Variants in STK32B observed in about 807,000 individuals in gnomAD.
The protein encoded by STK32B is serine/threonine-protein kinase 32B.
STK32B carries 43 observed loss-of-function variants against 52.6 expected under a neutral mutation model. The observed-to-expected ratio is 0.82, with a 90% confidence interval of 0.64 to 1.05. The LOEUF (loss-of-function observed/expected upper bound fraction) is 1.05, where lower values mean the gene tolerates loss of function less well. Among genes scored for constraint, STK32B ranks in the 50% least tolerant of loss-of-function variants. STK32B has a pLI of 0.00. For missense variants in STK32B, 621 were observed against 534.6 expected, an observed-to-expected ratio of 1.16 and a Z score of -1.59; for synonymous variants, 238 against 204.3, an observed-to-expected ratio of 1.17 and a Z score of -1.41.
intron 3 of STK32B, among the ~76,000 whole-genome samples, chr4:5,267,127 G>A (rs1355826384): frequency 1.3e-4 from 1 of 7,838 alleles, no homozygotes; most frequent in Non-Finnish European, 2.2e-4. Flanking sequence ...AATGTGCATT[G>A]TTTGCAAAGA....
chr4:5,223,629 T>C (rs1723676325), intron 3 of STK32B, among the ~76,000 whole-genome samples: 1 of 151,792 alleles, frequency 6.6e-6, no homozygotes, highest in Non-Finnish European at 1.5e-5. Context: ...CTGGTTAACA[T>C]GGTGAAACCC....
chr4:5,195,895 C>A (rs552208474), intron 3 of STK32B, among the ~76,000 whole-genome samples: 1 of 152,168 alleles, frequency 6.6e-6, no homozygotes, highest in African/African-American at 2.4e-5. Context: ...GTTGTTATGA[C>A]CAGTGTAAGT....
At chr4:5,401,762 G>C (rs187579800) in intron 5 of STK32B, among the ~76,000 whole-genome samples, 13 of 152,332 alleles carry the variant, frequency 8.5e-5, no homozygotes, top group Non-Finnish European at 1.5e-4. Context: ...CAATTGTATT[G>C]ATTTTCTATT....
At chr4:5,173,939 A>G (rs1410158605) in intron 3 of STK32B, among the ~76,000 whole-genome samples, 1 of 152,190 alleles carries the variant, frequency 6.6e-6, no homozygotes, top group Non-Finnish European at 1.5e-5. Flanking sequence ...GTGGGAGTCT[A>G]AGTCTCTTTG....
chr4:5,326,843 A>G (rs1731910737), intron 3 of STK32B, among the ~76,000 whole-genome samples: 1 of 152,222 alleles, frequency 6.6e-6, no homozygotes, highest in Non-Finnish European at 1.5e-5. Context: ...TGGAGTCTTC[A>G]CTTCATGAAA....
chr4:5,420,817 A>C (rs527744876), intron 6 of STK32B, among the ~76,000 whole-genome samples: 126 of 152,320 alleles, frequency 8.3e-4, no homozygotes, highest in African/African-American at 2.8e-3. Flanking sequence ...GACTGCTTTC[A>C]TGCTGTTTCC....
intron 3 of STK32B, among the ~76,000 whole-genome samples, chr4:5,245,801 G>A (rs996194841): frequency 6.6e-6 from 1 of 152,174 alleles, no homozygotes; most frequent in African/African-American, 2.4e-5. Flanking sequence ...TTGCTTGTCT[G>A]TAAAGTATTT....
intron 1 of STK32B, among the ~76,000 whole-genome samples, chr4:5,056,373 TG>T (rs1380145590): frequency 2.0e-5 from 3 of 152,242 alleles, no homozygotes; most frequent in Non-Finnish European, 4.4e-5. Context: ...GTAGGAGTTT[TG>T]CATAGTTTAT....
intron 4 of STK32B, among the ~76,000 whole-genome samples, chr4:5,388,170 A>C (rs1454810660): frequency 1.3e-5 from 2 of 152,214 alleles, no homozygotes; most frequent in South Asian, 4.1e-4. Flanking sequence ...TAAATAAATC[A>C]CAGTATGGGA....
the STK32B span, among the ~76,000 whole-genome samples, chr4:5,027,566 G>T: frequency 6.6e-6 from 1 of 152,208 alleles, no homozygotes; most frequent in African/African-American, 2.4e-5. Context: ...TTGATGTGGG[G>T]TTTATACCAC....
chr4:5,167,411 G>A (rs1459964599), intron 2 of STK32B, among the ~76,000 whole-genome samples: 1 of 152,088 alleles, frequency 6.6e-6, no homozygotes, highest in African/African-American at 2.4e-5. Flanking sequence ...GCAGTAAAGT[G>A]CTCAATACAG....
At chr4:5,495,620 G>A (rs1720164712) in intron 11 of STK32B, among the ~76,000 whole-genome samples, 1 of 152,192 alleles carries the variant, frequency 6.6e-6, no homozygotes, top group African/African-American at 2.4e-5. Flanking sequence ...TGCTGGTGAG[G>A]AGCTGCATTC....
intron 3 of STK32B, among the ~76,000 whole-genome samples, chr4:5,213,049 C>T (rs973497297): frequency 6.6e-6 from 1 of 152,126 alleles, no homozygotes; most frequent in African/African-American, 2.4e-5. Context: ...ATAATATATA[C>T]GTACATATAG....
intron 3 of STK32B, among the ~76,000 whole-genome samples, chr4:5,194,579 A>G (rs1721495042): frequency 6.6e-6 from 1 of 152,226 alleles, no homozygotes; most frequent in Non-Finnish European, 1.5e-5. Context: ...GATCTTAGGA[A>G]TTCTCCTTAG....
chr4:5,377,446 C>T (rs77662691), intron 4 of STK32B, among the ~76,000 whole-genome samples: 8,385 of 152,266 alleles, frequency 0.055, 363 homozygotes, highest in African/African-American at 0.12. Context: ...CCTTCTTACT[C>T]TTTTTGTCAA....
chr4:5,254,128 T>C (rs1726139669), intron 3 of STK32B, among the ~76,000 whole-genome samples: 1 of 152,248 alleles, frequency 6.6e-6, no homozygotes, highest in Non-Finnish European at 1.5e-5. Context: ...TATTCTATTT[T>C]TGCCTATGTT....
At chr4:5,053,976 T>A (rs1741892879) in intron 1 of STK32B, among the ~76,000 whole-genome samples, 1 of 146,222 alleles carries the variant, frequency 6.8e-6, no homozygotes, top group Non-Finnish European at 1.5e-5. Context: ...TGAAGCTCCA[T>A]CTCAAAATAA....
chr4:5,323,027 T>G (rs1010425870), intron 3 of STK32B, among the ~76,000 whole-genome samples: 1 of 152,150 alleles, frequency 6.6e-6, no homozygotes, highest in African/African-American at 2.4e-5. Context: ...ATTGGGCAAT[T>G]GAGGGTGATA....
At chr4:5,142,083 C>T (rs865778573) in intron 2 of STK32B, among the ~76,000 whole-genome samples, 1 of 152,178 alleles carries the variant, frequency 6.6e-6, no homozygotes. Context: ...TAGAGAAGGG[C>T]AGGAGGATAG....
Sources: gnomAD v4.1 joint callset for allele counts (sites outside exome capture counted in the v4.1 genomes callset) on GRCh38, gnomAD v4.1.1 for gene constraint, MANE v1.5 for transcripts, NCBI Gene and HGNC (gene_info 2026-07-23, HGNC 2026-07-21) for gene names.